FHAD1: variants seen among roughly 807,000 people sequenced by gnomAD.
The protein encoded by FHAD1 is forkhead associated phosphopeptide binding domain 1.
FHAD1 carries 146 observed loss-of-function variants against 191.3 expected under a neutral mutation model. The ratio of observed to expected loss-of-function variants is 0.76; its 90% CI spans 0.67 to 0.88. FHAD1 has a LOEUF of 0.88. FHAD1 is among the 40% of genes least tolerant of loss of function. FHAD1 has a pLI of 0.00. For missense variants in FHAD1, 1,635 were observed against 1,785.8 expected, an observed-to-expected ratio of 0.92 and a Z score of 1.52; for synonymous variants, 616 against 672.3, an observed-to-expected ratio of 0.92 and a Z score of 1.29.
At position 15,258,424 on chromosome 1, in the gene FHAD1, A is replaced by G. The variant is rs1004821842; in HGVS notation, c.93+6547A>G. On this transcript the variant is annotated intron_variant, in intron 2 of 33. Coordinates refer to ENST00000688493, the MANE Select transcript of FHAD1 (RefSeq NM_001391957.1). ...AGGTTCCTCTGTGGCAGCATGTGTC[A>G]GAGTTCCCTTCCTTTTGAAGGCTGA... 7.9e-5 allele frequency among the ~76,000 whole-genome samples: 12 copies of G among 152,152 alleles called. 1 individual carries two copies. The highest frequency in any genetic ancestry group is 2.9e-4 in the African/African-American group (12 of 41,442).
At chr1:15,335,659 CG>C (rs1239622703) in intron 14 of FHAD1, among the ~76,000 whole-genome samples, 1 of 152,096 alleles carries the variant, frequency 6.6e-6, no homozygotes, top group Non-Finnish European at 1.5e-5. Flanking sequence ...AACATGAAGA[CG>C]CAGTGGCAAA....
intron 1 of FHAD1, 95 bp downstream of exon 1, chr1:15,247,490 C>T (rs946201251): frequency 1.2e-5 from 2 of 164,946 alleles, no homozygotes; most frequent in African/African-American, 2.4e-5. Context: ...GGGGTGGCTC[C>T]CCGGCCCCAT....
chr1:15,341,109 G>A (rs1313402660), intron 15 of FHAD1, among the ~76,000 whole-genome samples: 2 of 152,274 alleles, frequency 1.3e-5, no homozygotes, highest in African/African-American at 2.4e-5. Flanking sequence ...TTGAACCCGG[G>A]AGGCAGAGGT....
rs1672511615 is a variant in FHAD1, at chr1:15,312,306, A to C, written c.1040-751A>C. Reference sequence around the variant, plus strand: ...AGGGAATAAACACTATGTGTTAGCCACTCTACTATGTTCTTTATACAACTC... The same window carrying C: ...AGGGAATAAACACTATGTGTTAGCCCCTCTACTATGTTCTTTATACAACTC... On this transcript the variant is annotated intron_variant, in intron 7 of 33. Transcript: ENST00000688493. The surrounding 1 kb of genome is among the most constrained non-coding windows in gnomAD (Gnocchi z 4.7). 1 of 152,132 alleles carries C rather than the reference A, an allele frequency of 6.6e-6. No homozygotes were observed. The highest frequency in any genetic ancestry group is 1.5e-5 in the Non-Finnish European group (1 of 68,024). 9.4% of individuals were successfully genotyped at this position (152,132 alleles called of 1,614,324 possible).
At chr1:15,290,340 C>T (rs1558016265) in intron 4 of FHAD1, among the ~76,000 whole-genome samples, 1 of 152,174 alleles carries the variant, frequency 6.6e-6, no homozygotes, top group African/African-American at 2.4e-5. Flanking sequence ...GCCTCACCAG[C>T]AGAAGAGCTG....
At chr1:15,335,262 C>T (rs1683547362) in intron 14 of FHAD1, 1 of 152,210 alleles carries the variant, frequency 6.6e-6, no homozygotes, top group Admixed American at 6.5e-5. Flanking sequence ...CAGCTGAATA[C>T]TCCTCCTGCC....
In FHAD1 at chr1:15,262,651, A is replaced by G. The variant is rs550825858; in HGVS notation, c.94-9672A>G. 2.0e-5 allele frequency among the ~76,000 whole-genome samples: 3 copies of G among 152,324 alleles called. No homozygotes were observed. In the South Asian group the frequency reaches 6.2e-4, roughly 32 times the overall value. ...GAATTTCCTTTCTTTTAAAAGCTAA[A>G]TAACATCCATTGTTTGGATGGACCA... On this transcript the variant is annotated intron_variant, in intron 2 of 33. Coordinates refer to ENST00000688493, the MANE Select transcript of FHAD1 (RefSeq NM_001391957.1).
intron 23 of FHAD1, chr1:15,364,196 G>T (rs1037918019): frequency 5.6e-6 from 1 of 178,762 alleles, no homozygotes; most frequent in Non-Finnish European, 1.2e-5. Context: ...TGCACACACA[G>T]AATATACTAT....
intron 31 of FHAD1, among the ~76,000 whole-genome samples, chr1:15,385,218 C>T (rs959813519): frequency 6.6e-6 from 1 of 151,710 alleles, no homozygotes; most frequent in African/African-American, 2.4e-5. Flanking sequence ...GAAAGGGAAC[C>T]TGTATACATC....
At chr1:15,321,614 T>C (rs1045182408) in intron 10 of FHAD1, among the ~76,000 whole-genome samples, 5 of 152,258 alleles carry the variant, frequency 3.3e-5, no homozygotes, top group African/African-American at 1.2e-4. Flanking sequence ...ATCTACACAT[T>C]ACTATTATGT....
chr1:15,313,857 G>A (rs1673069805), intron 8 of FHAD1, among the ~76,000 whole-genome samples: 1 of 152,042 alleles, frequency 6.6e-6, no homozygotes, highest in African/African-American at 2.4e-5. Context: ...GATCACACGA[G>A]ATCAGGAGTT....
chr1:15,291,963 C>G (rs1317416885), intron 4 of FHAD1, among the ~76,000 whole-genome samples: 1 of 152,222 alleles, frequency 6.6e-6, no homozygotes, highest in East Asian at 1.9e-4. Flanking sequence ...CCACATGTCT[C>G]TTAAGATCCA....
chr1:15,389,946 C>T (rs1703452205), intron 32 of FHAD1, among the ~76,000 whole-genome samples: 1 of 152,168 alleles, frequency 6.6e-6, no homozygotes, highest in Non-Finnish European at 1.5e-5. Flanking sequence ...TCTGGCAACC[C>T]ACCAGCAATC....
At chr1:15,305,834 A>T (rs1287114761) in intron 6 of FHAD1, 2 of 415,610 alleles carry the variant, frequency 4.8e-6, no homozygotes, top group Admixed American at 5.4e-5. Flanking sequence ...GTCCAATTAA[A>T]TCTCTTTTTC....
intron 3 of FHAD1, among the ~76,000 whole-genome samples, chr1:15,281,588 C>T (rs1251154200): frequency 6.6e-6 from 1 of 151,674 alleles, no homozygotes; most frequent in South Asian, 2.1e-4. Context: ...GGCAAAACCC[C>T]GTCTCTACTA....
chr1:15,374,415 C>G (rs1570408167), intron 26 of FHAD1, 87 bp from the exon 27 acceptor site: 3 of 1,496,090 alleles, frequency 2.0e-6, no homozygotes, highest in Non-Finnish European at 2.7e-6. Flanking sequence ...CTGGGTTCCT[C>G]TATACATGAA....
intron 21 of FHAD1, 81 bp from the exon 22 acceptor site, chr1:15,360,397 A>C: frequency 7.9e-7 from 1 of 1,262,948 alleles, no homozygotes; most frequent in Non-Finnish European, 1.1e-6. Context: ...TTTAGCACCT[A>C]TGTGTGTGCC....
chr1:15,384,961 G>A (rs926254182), intron 31 of FHAD1, among the ~76,000 whole-genome samples: 12 of 151,010 alleles, frequency 7.9e-5, no homozygotes, highest in Admixed American at 3.9e-4. Flanking sequence ...CTCCGATCCC[G>A]GCCCTCCCAG....
At chr1:15,388,939 G>A (rs1703067994) in intron 32 of FHAD1, among the ~76,000 whole-genome samples, 1 of 152,208 alleles carries the variant, frequency 6.6e-6, no homozygotes, top group African/African-American at 2.4e-5. Flanking sequence ...ACTGAATCCA[G>A]TAAAGTTCAG....
Sources: gnomAD v4.1 joint callset for allele counts (sites outside exome capture counted in the v4.1 genomes callset) on GRCh38, gnomAD v4.1.1 for gene constraint, Gnocchi (gnomAD v3.1) non-coding constraint, MANE v1.5 for transcripts, NCBI Gene and HGNC (gene_info 2026-07-23, HGNC 2026-07-21) for gene names.